CCDC68: variants seen among roughly 807,000 people sequenced by gnomAD.
CCDC68 encodes the protein coiled-coil domain-containing protein 68.
CCDC68 carries 45 observed loss-of-function variants against 47.1 expected under a neutral mutation model. The observed-to-expected ratio is 0.96, with a 90% CI of 0.75 to 1.23. The LOEUF is 1.23. Ranked by LOEUF, CCDC68 falls within the 50% of genes most tolerant of loss-of-function variation. The pLI, the probability that CCDC68 is intolerant of heterozygous loss-of-function variation, is 0.00. For missense variants in CCDC68, 353 were observed against 373.6 expected, an observed-to-expected ratio of 0.94 and a Z score of 0.45; for synonymous variants, 131 against 129.5, an observed-to-expected ratio of 1.01 and a Z score of -0.08.
chr18:54,952,453 C>G (rs2044634754), intron 1 of CCDC68, among the ~76,000 whole-genome samples: 1 of 152,158 alleles, frequency 6.6e-6, no homozygotes, highest in Admixed American at 6.5e-5. Context: ...AAAGAGAAAC[C>G]ATACCAGTTC....
In CCDC68 at chr18:54,914,302, T is replaced by G. The variant is rs190290975; in HGVS notation, c.873+3611A>C. ...CAGATACTGTTATTATTTGAAGCCT[T>G]TTTTTATACAAGTGTTAGAAAACAC... is the stretch of plus-strand genomic sequence containing the variant. On this transcript the variant is annotated intron_variant, in intron 10 of 11. Coordinates refer to ENST00000591504, the MANE Select transcript of CCDC68 (RefSeq NM_025214.3). Among the ~76,000 whole-genome samples, 70 of 152,260 alleles carry G rather than the reference T, an allele frequency of 4.6e-4. 1 individual carries two copies. The highest frequency in any genetic ancestry group is 8.2e-4 in the Non-Finnish European group (56 of 68,016).
At chr18:54,951,433 T>C (rs1008735999) in intron 1 of CCDC68, among the ~76,000 whole-genome samples, 7 of 152,184 alleles carry the variant, frequency 4.6e-5, no homozygotes, top group African/African-American at 1.4e-4. Context: ...ATAATACTTC[T>C]CACATATGCC....
At position 54,901,530 on chromosome 18, in the gene CCDC68, T is replaced by G. The variant is rs996592571; in HGVS notation, c.*2828A>C. ...TTAATTCATTTATGCATAATTTTAA[T>G]ATAAAAAGAAAACCAAACAATTCAC... On this transcript the variant is annotated 3_prime_UTR_variant, in exon 12 of 12. Coordinates refer to ENST00000591504, the MANE Select transcript of CCDC68 (RefSeq NM_025214.3). 3.3e-5 allele frequency: 5 copies of G among 152,200 alleles called. No individual in the cohort carries two copies. The highest frequency in any genetic ancestry group is 6.5e-5 in the Admixed American group (1 of 15,268). The allele number at this position is 152,200 out of a possible 1,614,324, so 9.4% of individuals were successfully genotyped here. A position where few individuals can be genotyped will look rare whatever the true frequency, so the allele number is the denominator to read the frequency against.
chr18:54,906,486 C>T (rs1474495666), intron 11 of CCDC68, among the ~76,000 whole-genome samples: 1 of 152,106 alleles, frequency 6.6e-6, no homozygotes, highest in East Asian at 1.9e-4. Context: ...GAGTAGTTAC[C>T]ATATGAAGAT....
At position 54,940,562 on chromosome 18, in the gene CCDC68, G is replaced by C. The variant is rs1269820295; in HGVS notation, c.204+435C>G. ...AGACAAGGCTAAGTGCAGATTGCTC[G>C]ACCTTAGGTATATACAGCTGATGTT... is the stretch of plus-strand genomic sequence containing the variant. On this transcript the variant is annotated intron_variant, in intron 4 of 11. Transcript: ENST00000591504. 2.0e-5 allele frequency among the ~76,000 whole-genome samples: 3 copies of C among 152,156 alleles called. 1 individual carries two copies. In the South Asian group the frequency reaches 6.2e-4, roughly 32 times the overall value.
At chr18:54,939,547 C>T (rs554695886) in intron 4 of CCDC68, among the ~76,000 whole-genome samples, 2 of 152,134 alleles carry the variant, frequency 1.3e-5, no homozygotes, top group South Asian at 4.2e-4. Context: ...GAAATCTCTA[C>T]AGGGCCAGAG....
chr18:54,908,000 A>G, intron 10 of CCDC68, 138 bp from the exon 11 acceptor site: 1 of 602,864 alleles, frequency 1.7e-6, no homozygotes, highest in Non-Finnish European at 3.0e-6. Flanking sequence ...AGAACACAGA[A>G]AATAGCCAGT....
intron 4 of CCDC68, among the ~76,000 whole-genome samples, chr18:54,939,992 C>T (rs1435831382): frequency 3.3e-5 from 5 of 152,018 alleles, no homozygotes; most frequent in Non-Finnish European, 7.4e-5. Flanking sequence ...CTGAAATCTC[C>T]TTCTTTTCCT....
At chr18:54,953,744 A>G (rs1419238219) in intron 1 of CCDC68, among the ~76,000 whole-genome samples, 1 of 152,226 alleles carries the variant, frequency 6.6e-6, no homozygotes, top group Non-Finnish European at 1.5e-5. Flanking sequence ...TAAAGGTGAT[A>G]AAGTAGAAGG....
At chr18:54,911,599 A>T (rs1244967587) in intron 10 of CCDC68, among the ~76,000 whole-genome samples, 1 of 152,130 alleles carries the variant, frequency 6.6e-6, no homozygotes, top group African/African-American at 2.4e-5. Context: ...AATGAATATA[A>T]ATCTATTATA....
chr18:54,933,974 G>C (rs1382636250), intron 7 of CCDC68, among the ~76,000 whole-genome samples: 1 of 152,050 alleles, frequency 6.6e-6, no homozygotes, highest in Non-Finnish European at 1.5e-5. Flanking sequence ...TTTATAAAAT[G>C]GCATAAACCC....
intron 8 of CCDC68, among the ~76,000 whole-genome samples, chr18:54,928,587 C>T (rs1431768296): frequency 6.6e-6 from 1 of 152,098 alleles, no homozygotes; most frequent in African/African-American, 2.4e-5. Context: ...GAACTCTGCC[C>T]CCGGCTCCCA....
chr18:54,935,278 CA>C (rs546326522), intron 6 of CCDC68, among the ~76,000 whole-genome samples: 2 of 151,580 alleles, frequency 1.3e-5, no homozygotes, highest in South Asian at 2.1e-4. Context: ...TTATCCAGAA[CA>C]AAAAAAACCT....
chr18:54,932,958 T>C (rs1347207997), intron 7 of CCDC68, among the ~76,000 whole-genome samples: 1 of 152,230 alleles, frequency 6.6e-6, no homozygotes, highest in Non-Finnish European at 1.5e-5. Context: ...AGTTCTATGC[T>C]ACACATGGTG....
chr18:54,904,136 C>T lies in CCDC68; in HGVS notation c.*222G>A, dbSNP rs1317543348. On this transcript the variant is annotated 3_prime_UTR_variant, in exon 12 of 12. Transcript: ENST00000591504. The stretch of plus-strand genomic sequence containing the variant: ...GAATCTGTCTTCCATCATGAGAAGG[C>T]ACCTGGTTTCTTCAACTATTTGGTA... 2.6e-6 allele frequency: 1 copy of T among 378,188 alleles called. No homozygotes were observed. Among genetic ancestry groups the T allele is most frequent in the Non-Finnish European group, 4.7e-6 (1 of 211,022 alleles). The allele number at this position is 378,188 out of a possible 1,614,324, so 23.4% of individuals were successfully genotyped here.
intron 1 of CCDC68, among the ~76,000 whole-genome samples, chr18:54,951,399 T>C (rs922361280): frequency 2.4e-4 from 37 of 152,310 alleles, no homozygotes; most frequent in African/African-American, 7.5e-4. Context: ...GTGAGGACTA[T>C]ATGCCAGGTA....
In CCDC68 at chr18:54,956,921, C is replaced by CT. The variant is rs569775688; in HGVS notation, c.-103+2414dup. 5.1e-4 allele frequency among the ~76,000 whole-genome samples: 77 copies of CT among 151,730 alleles called. 2 individuals are homozygous for CT. In the South Asian group the frequency reaches 0.015, roughly 30 times the overall value. On this transcript the variant is annotated intron_variant, in intron 1 of 11. Transcript: ENST00000591504. The stretch of plus-strand genomic sequence containing the variant: ...TATGTAAATTATACCTCCAATAAAG[C>CT]TTTTTTAAAAAAAAATACAGAAGGA...
chr18:54,913,844 A>G (rs1459696030), intron 10 of CCDC68, among the ~76,000 whole-genome samples: 1 of 152,154 alleles, frequency 6.6e-6, no homozygotes, highest in Admixed American at 6.5e-5. Flanking sequence ...AAAATAAAAT[A>G]AAATAAAATA....
rs189404643 is a variant in CCDC68, at chr18:54,901,944, G to A, written c.*2414C>T. 1.3e-5 allele frequency: 2 copies of A among 151,784 alleles called. No individual in the cohort carries two copies. The highest frequency in any genetic ancestry group is 2.4e-5 in the African/African-American group (1 of 41,358). 9.4% of individuals were successfully genotyped at this position (151,784 alleles called of 1,614,324 possible). ...TGATAATTTTATGATAGTGGATATAGGAAACAATCCATACATGACGAATAA... is the reference window on the plus strand; with the variant it reads ...TGATAATTTTATGATAGTGGATATAAGAAACAATCCATACATGACGAATAA... On this transcript the variant is annotated 3_prime_UTR_variant, in exon 12 of 12. Transcript: ENST00000591504.
Sources: gnomAD v4.1 joint callset for allele counts (sites outside exome capture counted in the v4.1 genomes callset) on GRCh38, gnomAD v4.1.1 for gene constraint, MANE v1.5 for transcripts, NCBI Gene and HGNC (gene_info 2026-07-23, HGNC 2026-07-21) for gene names.